Variants in GRIA4 observed in about 807,000 individuals in gnomAD.
GRIA4 encodes the protein glutamate receptor 4.
Under a neutral mutation model 104.0 loss-of-function variants are expected in GRIA4, and 34 were observed. The observed-to-expected ratio is 0.33, with a 90% CI of 0.25 to 0.44. The LOEUF (loss-of-function observed/expected upper bound fraction) is 0.44. Among genes scored for constraint, GRIA4 ranks in the 20% least tolerant of loss-of-function variants. The probability of loss-of-function intolerance (pLI) is 1.00; values close to 1 mark genes in which losing one functional copy is unlikely to be tolerated. For synonymous variants in GRIA4, 386 were observed against 381.9 expected, an observed-to-expected ratio of 1.01 and a Z score of -0.13; for missense variants, 750 against 1,096.5, an observed-to-expected ratio of 0.68 and a Z score of 4.46.
intron 12 of GRIA4, among the ~76,000 whole-genome samples, chr11:105,925,220 C>G (rs1239895875): frequency 6.6e-6 from 1 of 152,098 alleles, no homozygotes; most frequent in African/African-American, 2.4e-5. Context: ...TACCTGGAAC[C>G]TGAGTCAAGA....
At chr11:105,645,644 G>C (rs1951505168) in intron 3 of GRIA4, among the ~76,000 whole-genome samples, 1 of 152,012 alleles carries the variant, frequency 6.6e-6, no homozygotes, top group Admixed American at 6.6e-5. Context: ...ATGACAAGAA[G>C]GACACCACTG....
intron 14 of GRIA4, among the ~76,000 whole-genome samples, chr11:105,956,373 C>T (rs1333527786): frequency 1.3e-5 from 2 of 152,094 alleles, no homozygotes; most frequent in East Asian, 3.9e-4. Flanking sequence ...GTTTTCTGTC[C>T]TTGCAATAGT....
chr11:105,711,935 T>G (rs1031181897), intron 3 of GRIA4, among the ~76,000 whole-genome samples: 2 of 152,128 alleles, frequency 1.3e-5, no homozygotes, highest in Non-Finnish European at 2.9e-5. Flanking sequence ...ACTTACTTTG[T>G]GAGAATTAAA....
At chr11:105,817,735 T>C (rs1411806100) in intron 4 of GRIA4, among the ~76,000 whole-genome samples, 1 of 152,114 alleles carries the variant, frequency 6.6e-6, no homozygotes, top group Non-Finnish European at 1.5e-5. Flanking sequence ...ATAGAGAGTA[T>C]TTCTTGCCTA....
At chr11:105,770,543 C>A (rs894612143) in intron 4 of GRIA4, among the ~76,000 whole-genome samples, 3 of 151,988 alleles carry the variant, frequency 2.0e-5, no homozygotes, top group Non-Finnish European at 4.4e-5. Flanking sequence ...AATATCCTCC[C>A]ATTTAACATT....
chr11:105,797,665 G>A (rs1050227774), intron 4 of GRIA4: 12 of 310,066 alleles, frequency 3.9e-5, no homozygotes, highest in East Asian at 9.2e-5. Context: ...CAACTTAATC[G>A]TGCTACCTTT....
chr11:105,739,513 T>G (rs913375913), intron 3 of GRIA4, among the ~76,000 whole-genome samples: 11 of 152,210 alleles, frequency 7.2e-5, no homozygotes, highest in Non-Finnish European at 1.3e-4. Flanking sequence ...TTGTGTAATT[T>G]GCATTTCAAC....
chr11:105,639,529 TAAGAA>T (rs1217882233), intron 3 of GRIA4, among the ~76,000 whole-genome samples: 2 of 152,018 alleles, frequency 1.3e-5, no homozygotes, highest in Non-Finnish European at 2.9e-5. Context: ...GAATTTTTTC[TAAGAA>T]AAGTTCAATA....
intron 4 of GRIA4, among the ~76,000 whole-genome samples, chr11:105,817,851 A>G (rs1455541175): frequency 6.6e-6 from 1 of 152,176 alleles, no homozygotes. Flanking sequence ...GGAATCTGTA[A>G]GCACGATGAA....
chr11:105,615,525 G>T (rs1950578222), intron 3 of GRIA4, among the ~76,000 whole-genome samples: 1 of 151,748 alleles, frequency 6.6e-6, no homozygotes, highest in Non-Finnish European at 1.5e-5. Flanking sequence ...AAAAGTGAGT[G>T]TAATAGCCCT....
chr11:105,885,509 C>T (rs933512273), intron 5 of GRIA4, among the ~76,000 whole-genome samples: 2 of 152,200 alleles, frequency 1.3e-5, no homozygotes, highest in East Asian at 1.9e-4. Context: ...GCCAAGATGA[C>T]AGGCAGCTGT....
In GRIA4 at chr11:105,974,185, T is replaced by C. The variant is rs932808862; in HGVS notation, c.2410-125T>C. On this transcript the variant is annotated intron_variant, in intron 15 of 16. Coordinates refer to ENST00000282499, the MANE Select transcript of GRIA4 (RefSeq NM_000829.4). The stretch of plus-strand genomic sequence containing the variant: ...TCCATTAGCCTACATCAGTGACTTA[T>C]ACTTGTAAATCATTTCAGGTTAAAT... 2.8e-5 allele frequency: 25 copies of C among 903,830 alleles called. 1 individual carries two copies. The highest frequency in any genetic ancestry group is 5.0e-5 in the African/African-American group (3 of 60,228). The allele number at this position is 903,830 out of a possible 1,614,324, so 56.0% of individuals were successfully genotyped here. A position where few individuals can be genotyped will look rare whatever the true frequency, so the allele number is the denominator to read the frequency against.
intron 5 of GRIA4, among the ~76,000 whole-genome samples, chr11:105,875,033 T>A (rs1945763236): frequency 6.6e-6 from 1 of 152,236 alleles, no homozygotes; most frequent in South Asian, 2.1e-4. Context: ...CCATTCAGTA[T>A]GATATCGCCT....
chr11:105,914,326 C>T (rs1947339555), intron 10 of GRIA4, among the ~76,000 whole-genome samples: 1 of 151,726 alleles, frequency 6.6e-6, no homozygotes, highest in African/African-American at 2.4e-5. Context: ...TTGGAGAAAA[C>T]CAAATATCCA....
intron 3 of GRIA4, among the ~76,000 whole-genome samples, chr11:105,684,591 A>T (rs1482215898): frequency 6.8e-6 from 1 of 147,122 alleles, no homozygotes. Flanking sequence ...TATATATTAT[A>T]ATATAAATAT....
intron 4 of GRIA4, among the ~76,000 whole-genome samples, chr11:105,818,169 A>T (rs1445974694): frequency 6.6e-6 from 1 of 152,146 alleles, no homozygotes; most frequent in Non-Finnish European, 1.5e-5. Flanking sequence ...AGACAGGCAC[A>T]GGAGATCCCC....
At chr11:105,707,238 A>T (rs2135538678) in intron 3 of GRIA4, 1 of 153,730 alleles carries the variant, frequency 6.5e-6, no homozygotes, top group South Asian at 2.1e-4. Context: ...ATAAATCTTC[A>T]GGATGTTCAT....
intron 7 of GRIA4, among the ~76,000 whole-genome samples, chr11:105,898,688 AT>A (rs555210432): frequency 1.4e-3 from 216 of 152,098 alleles, no homozygotes; most frequent in Middle Eastern, 6.8e-3. Context: ...TCAGAATTAA[AT>A]TTTTTTTAAT....
At chr11:105,763,279 G>A (rs1014993888) in intron 4 of GRIA4, among the ~76,000 whole-genome samples, 1 of 152,096 alleles carries the variant, frequency 6.6e-6, no homozygotes, top group African/African-American at 2.4e-5. Flanking sequence ...AAGAAGTCTG[G>A]TTTGATTAAA....
Sources: allele counts gnomAD v4.1 joint callset (sites outside exome capture counted in the v4.1 genomes callset), GRCh38; gene constraint gnomAD v4.1.1; transcripts MANE v1.5; gene names NCBI Gene and HGNC (gene_info 2026-07-23, HGNC 2026-07-21).